RAB40C: variants seen among roughly 807,000 people sequenced by gnomAD.
RAB40C encodes the protein ras-related protein Rab-40C.
A neutral mutation model predicts 28.1 loss-of-function variants in RAB40C; 8 were observed. The ratio of observed to expected loss-of-function variants is 0.28; its 90% CI spans 0.17 to 0.51. The LOEUF (loss-of-function observed/expected upper bound fraction) is 0.51. Among genes scored for constraint, RAB40C ranks in the 20% least tolerant of loss-of-function variants. The probability of loss-of-function intolerance (pLI) is 0.97; values close to 1 mark genes in which losing one functional copy is unlikely to be tolerated. For synonymous variants in RAB40C, 201 were observed against 171.7 expected, an observed-to-expected ratio of 1.17 and a Z score of -1.34; for missense variants, 288 against 405.9, an observed-to-expected ratio of 0.71 and a Z score of 2.50.
At chr16:605,691 C>G (rs969080594) in intron 1 of RAB40C, among the ~76,000 whole-genome samples, 2 of 152,198 alleles carry the variant, frequency 1.3e-5, no homozygotes, top group African/African-American at 4.8e-5. Context: ...TGCATTGGCT[C>G]CACTCCAGAT....
chr16:620,743 C>T (rs1330826688), intron 3 of RAB40C, among the ~76,000 whole-genome samples: 1 of 97,570 alleles, frequency 1.0e-5, no homozygotes, highest in Non-Finnish European at 2.0e-5. Context: ...CGGGCTCCAC[C>T]GCGGGCATCC....
intron 3 of RAB40C, among the ~76,000 whole-genome samples, chr16:622,021 C>T (rs1381909587): frequency 6.6e-6 from 1 of 152,188 alleles, no homozygotes; most frequent in Non-Finnish European, 1.5e-5. Flanking sequence ...GAGGGCTTCA[C>T]TCTCGCTGGC....
chr16:626,869 C>T (rs1356818532), intron 5 of RAB40C, among the ~76,000 whole-genome samples: 2 of 152,208 alleles, frequency 1.3e-5, no homozygotes, highest in East Asian at 1.9e-4. Context: ...ACCCAGGAGG[C>T]GGAGGTTGCA....
chr16:607,442 G>A (rs896804353), intron 1 of RAB40C, among the ~76,000 whole-genome samples: 2 of 150,178 alleles, frequency 1.3e-5, no homozygotes, highest in African/African-American at 4.9e-5. Flanking sequence ...GGTAGAGGTT[G>A]CAGTGAGCTG....
rs771752236 is a variant in RAB40C at position 627,669 on chromosome 16, T to C, written c.*47T>C. On this transcript the variant is annotated 3_prime_UTR_variant, in exon 6 of 6. Coordinates refer to ENST00000248139, the MANE Select transcript of RAB40C (RefSeq NM_021168.5). ...GTGCAGATGCCAGGAGGGCTCGAGC[T>C]GGACACTCCTGGCTGGACGCCAGGC... 78 of 1,526,348 alleles carry C rather than the reference T, an allele frequency of 5.1e-5. No individual in the cohort carries two copies. The highest frequency in any genetic ancestry group is 6.3e-5 in the Non-Finnish European group (72 of 1,135,762). 94.6% of individuals were successfully genotyped at this position (1,526,348 alleles called of 1,614,324 possible). A position where few individuals can be genotyped will look rare whatever the true frequency, so the allele number is the denominator to read the frequency against.
chr16:602,328 C>CAAG (rs2036270456), intron 1 of RAB40C, among the ~76,000 whole-genome samples: 1 of 147,104 alleles, frequency 6.8e-6, no homozygotes, highest in Non-Finnish European at 1.5e-5. Context: ...GATCATAGTT[C>CAAG]ACTGCAGCCT....
rs751170210 is a variant in RAB40C, at chr16:590,389, G to C, written c.98G>C (p.Ser33Thr). ...GTGGGCAAGGGCGAGATCCTGGAGA[G>C]CCTGCAGGACGGCGCGGCAGAGTCC... ...SDVGKGEILE[S>T]LQDGAAESPY... is the part of the protein sequence containing the mutation. The change falls in exon 1 of 6, where the codon AGC (serine) becomes ACC (threonine). Residue 33 changes from serine (S) to threonine (T), a missense_variant. Ser to Thr is a moderately conservative substitution (Grantham distance 58, BLOSUM62 1). Transcript: ENST00000248139. 6.3e-7 allele frequency: 1 copy of C among 1,596,712 alleles called. No individual in the cohort carries two copies. The highest frequency in any genetic ancestry group is 2.3e-5 in the East Asian group (1 of 43,064).
At position 625,913 on chromosome 16, in the gene RAB40C, C is replaced by A. The variant is rs1331496138; in HGVS notation, c.357C>A (p.Val119=). Residue 119 remains valine (V), a synonymous_variant, in exon 5 of 6, where the codon GTC becomes GTA. Transcript: ENST00000248139. ...IKEIDEHAPG[V]PRILVGNRLH... ...TGTGCCCCCAGCATGCACCCGGAGT[C>A]CCCCGGATCTTGGTTGGAAACCGGC... The A allele has an allele frequency of 3.1e-6, 5 of 1,612,730 alleles. No homozygotes were observed. Among genetic ancestry groups the A allele is most frequent in the South Asian group, 1.1e-5 (1 of 91,014 alleles).
chr16:597,167 G>A (rs1034139947), intron 1 of RAB40C, among the ~76,000 whole-genome samples: 9 of 152,114 alleles, frequency 5.9e-5, no homozygotes, highest in Admixed American at 5.9e-4. Flanking sequence ...TAGTGCTGGT[G>A]ATGAGGTGGG....
intron 3 of RAB40C, among the ~76,000 whole-genome samples, 183 bp downstream of exon 3, chr16:618,443 A>G (rs34011309): frequency 0.47 from 70,829 of 152,180 alleles, 16,918 homozygotes; most frequent in East Asian, 0.65. Context: ...AGGCTGGAGT[A>G]CAGTGGCACA....
rs376424371 is a variant in RAB40C, at chr16:618,971, G to A, written c.264+711G>A. Among the ~76,000 whole-genome samples the A allele has an allele frequency of 3.8e-4, 38 of 101,168 alleles. 1 individual carries two copies. The highest frequency in any genetic ancestry group is 1.4e-3 in the African/African-American group (31 of 22,106). 66.4% of individuals were successfully genotyped at this position (101,168 alleles called of 152,430 possible). A position where few individuals can be genotyped will look rare whatever the true frequency, so the allele number is the denominator to read the frequency against. On this transcript the variant is annotated intron_variant, in intron 3 of 5. Coordinates refer to ENST00000248139, the MANE Select transcript of RAB40C (RefSeq NM_021168.5). ...TGCACTCAGGGCCATGTGTGTGCAGGCATTTGCACAGGTCTGGCGGACGCA... is the reference window on the plus strand; with the variant it reads ...TGCACTCAGGGCCATGTGTGTGCAGACATTTGCACAGGTCTGGCGGACGCA...
In RAB40C at chr16:601,843, AAAG is replaced by A. The variant is rs1253550692; in HGVS notation, c.142+11411_142+11413del. Among the ~76,000 whole-genome samples, 544 of 147,988 alleles carry A rather than the reference AAAG, an allele frequency of 3.7e-3. 3 individuals carry two copies. Among genetic ancestry groups the A allele is most frequent in the Non-Finnish European group, 5.8e-3 (389 of 66,630 alleles). ...AAAAAAAAAAAAAAAAAAAAAAAAA[AAAG>A]GCCGGATGCGGTGGCTCACGCCTGT... On this transcript the variant is annotated intron_variant, in intron 1 of 5. Coordinates refer to ENST00000248139, the MANE Select transcript of RAB40C (RefSeq NM_021168.5).
At chr16:593,010 C>G (rs958446153) in intron 1 of RAB40C, among the ~76,000 whole-genome samples, 3 of 152,236 alleles carry the variant, frequency 2.0e-5, no homozygotes, top group African/African-American at 7.2e-5. Context: ...GGAGAGTCCA[C>G]TCTTAGAAAG....
chr16:618,353 G>A lies in RAB40C; in HGVS notation c.264+93G>A, dbSNP rs1166666545. 3.1e-6 allele frequency: 4 copies of A among 1,279,214 alleles called. No homozygotes were observed. The East Asian group carries it at 9.9e-5, about 32-fold the overall frequency. 79.2% of individuals were successfully genotyped at this position (1,279,214 alleles called of 1,614,324 possible). On this transcript the variant is annotated intron_variant, in intron 3 of 5. Transcript: ENST00000248139. ...GTTGTTGTCCTGTCAAACTCCCAAG[G>A]ACTTTCTTTCTTTATAAGGATATTC...
intron 1 of RAB40C, among the ~76,000 whole-genome samples, chr16:611,278 G>T (rs2036478212): frequency 6.6e-6 from 1 of 152,200 alleles, no homozygotes; most frequent in Non-Finnish European, 1.5e-5. Flanking sequence ...CCATCTAGGG[G>T]TGGCCTAGGG....
At chr16:618,097 C>T (rs2036625944) in intron 2 of RAB40C, 103 bp from the exon 3 acceptor site, 2 of 1,127,388 alleles carry the variant, frequency 1.8e-6, no homozygotes, top group Non-Finnish European at 2.6e-6. Context: ...TCCTGGCCGC[C>T]CCGCTCCCCT....
At chr16:623,086 G>C (rs2036754710) in intron 3 of RAB40C, among the ~76,000 whole-genome samples, 1 of 152,222 alleles carries the variant, frequency 6.6e-6, no homozygotes. Flanking sequence ...GGCCATCCCA[G>C]GAAGTGGGGG....
At position 616,321 on chromosome 16, in the gene RAB40C, G is replaced by A. The variant is rs557162405; in HGVS notation, c.143-887G>A. Among the ~76,000 whole-genome samples the A allele has an allele frequency of 1.9e-3, 228 of 119,454 alleles. 2 individuals carry two copies. Among genetic ancestry groups the A allele is most frequent in the Non-Finnish European group, 3.5e-3 (198 of 56,646 alleles). 78.4% of individuals were successfully genotyped at this position (119,454 alleles called of 152,430 possible). On this transcript the variant is annotated intron_variant, in intron 1 of 5. Transcript: ENST00000248139. ...GCTGTCTGAGGTCAGTCCAGAGTCCGGAGAAGCAGCATTTTATTTATTTAT... is the reference window on the plus strand; with the variant it reads ...GCTGTCTGAGGTCAGTCCAGAGTCCAGAGAAGCAGCATTTTATTTATTTAT...
rs986723995 is a variant in RAB40C, at chr16:625,116, C to G, written c.265-316C>G. 3.0e-6 allele frequency: 4 copies of G among 1,330,666 alleles called. No homozygotes were observed. In the East Asian group the frequency reaches 1.4e-4, roughly 46 times the overall value. 82.4% of individuals were successfully genotyped at this position (1,330,666 alleles called of 1,614,324 possible). On this transcript the variant is annotated intron_variant, in intron 3 of 5. Coordinates refer to ENST00000248139, the MANE Select transcript of RAB40C (RefSeq NM_021168.5). ...TTAGCTTCCACAGCTGCACGTCCCC[C>G]GGCTGCCAGAACCCCGCATCTGCCT... is the stretch of plus-strand genomic sequence containing the variant.
Sources: gnomAD v4.1 joint callset for allele counts (sites outside exome capture counted in the v4.1 genomes callset) on GRCh38, gnomAD v4.1.1 for gene constraint, MANE v1.5 for transcripts, NCBI Gene and HGNC (gene_info 2026-07-23, HGNC 2026-07-21) for gene names.